NBAS: variants seen among roughly 807,000 people sequenced by gnomAD.
The protein encoded by NBAS is NAG/BC035112 fusion.
A neutral mutation model predicts 302.5 loss-of-function variants in NBAS; 219 were observed. That is an observed-to-expected ratio of 0.72 (90% CI 0.65 to 0.81). The LOEUF is 0.81. Among genes scored for constraint, NBAS ranks in the 30% least tolerant of loss-of-function variants. The pLI, the probability that NBAS is intolerant of heterozygous loss-of-function variation, is 0.00. For missense variants in NBAS, 2,932 were observed against 2,841.6 expected, an observed-to-expected ratio of 1.03 and a Z score of -0.72; for synonymous variants, 1,118 against 1,021.6, an observed-to-expected ratio of 1.09 and a Z score of -1.80.
At chr2:15,401,073 C>CT (rs1481548151) in intron 26 of NBAS, among the ~76,000 whole-genome samples, 1 of 152,012 alleles carries the variant, frequency 6.6e-6, no homozygotes, top group Non-Finnish European at 1.5e-5. Flanking sequence ...GGCTGTCTGA[C>CT]TGTAAGTTAT....
chr2:15,366,892 T>C (rs192935829), intron 31 of NBAS, among the ~76,000 whole-genome samples, 199 bp from the exon 32 acceptor site: 369 of 152,314 alleles, frequency 2.4e-3, no homozygotes, highest in African/African-American at 8.2e-3. Flanking sequence ...ACAACCTTGA[T>C]CTTTTCTTCA....
At chr2:14,969,181 G>T in the NBAS span, among the ~76,000 whole-genome samples, 1 of 152,122 alleles carries the variant, frequency 6.6e-6, no homozygotes, top group Non-Finnish European at 1.5e-5. Flanking sequence ...ATGAGGGGTT[G>T]CTTAGGGCTG....
chr2:15,002,175 C>T, the NBAS span, among the ~76,000 whole-genome samples: 1 of 152,100 alleles, frequency 6.6e-6, no homozygotes, highest in Admixed American at 6.5e-5. Context: ...GGTGCATTCA[C>T]AAACCCTGAG....
Position 15,474,068 on chromosome 2 carries a change from T to G in NBAS, c.1598A>C (p.Lys533Thr). ...GGTAGTAATATGCTACTCTCTCACC[T>G]TCCTCTGATAAAGTTCCTCTGGTGT... is the stretch of plus-strand genomic sequence containing the variant. Reference protein sequence around the residue: ...STTPEELYQRKIESEEYEEAL... With the variant: ...STTPEELYQRTIESEEYEEAL... The change falls in exon 15 of 52, where the codon AAG (lysine) becomes ACG (threonine). Residue 533 changes from lysine (K) to threonine (T), a missense_variant and splice_region_variant. Coordinates refer to ENST00000281513, the MANE Select transcript of NBAS (RefSeq NM_015909.4). The G allele has an allele frequency of 1.2e-6, 2 of 1,614,208 alleles. No homozygotes were observed. The highest frequency in any genetic ancestry group is 1.7e-6 in the Non-Finnish European group (2 of 1,180,026).
In NBAS at chr2:15,184,044, C is replaced by T. The variant is rs571610251; in HGVS notation, c.6711+2698G>A. On this transcript the variant is annotated intron_variant, in intron 50 of 51. Coordinates refer to ENST00000281513, the MANE Select transcript of NBAS (RefSeq NM_015909.4). ...TTCATTTAACCACCAAGTCATTTTC[C>T]GATAGGAAACAGAAAGCACAGCTTC... Among the ~76,000 whole-genome samples the T allele has an allele frequency of 7.9e-5, 12 of 152,250 alleles. No homozygotes were observed. In the South Asian group the frequency reaches 1.0e-3, roughly 13 times the overall value.
At chr2:14,910,554 T>C in the NBAS span, among the ~76,000 whole-genome samples, 1 of 152,248 alleles carries the variant, frequency 6.6e-6, no homozygotes, top group East Asian at 1.9e-4. Flanking sequence ...CAAGAGGTAG[T>C]TGGGAGACAA....
At chr2:14,963,241 C>A in the NBAS span, among the ~76,000 whole-genome samples, 1 of 152,090 alleles carries the variant, frequency 6.6e-6, no homozygotes, top group Admixed American at 6.5e-5. Context: ...GCACTCCAGC[C>A]TGGGTGACAG....
chr2:15,186,539 C>T (rs1338882593), intron 50 of NBAS, among the ~76,000 whole-genome samples: 4 of 152,138 alleles, frequency 2.6e-5, no homozygotes, highest in African/African-American at 7.2e-5. Context: ...GTACAGGAAA[C>T]GCTGGCCCCC....
chr2:15,381,878 G>T (rs552577526), intron 29 of NBAS, among the ~76,000 whole-genome samples: 3 of 151,974 alleles, frequency 2.0e-5, no homozygotes, highest in African/African-American at 7.3e-5. Flanking sequence ...TGTTAAAATC[G>T]CCCTGAATTC....
chr2:15,531,432 C>T (rs952141729), intron 9 of NBAS, among the ~76,000 whole-genome samples: 1 of 152,124 alleles, frequency 6.6e-6, no homozygotes, highest in Non-Finnish European at 1.5e-5. Context: ...GTTCTGAGAC[C>T]TCTTCAAGAT....
chr2:15,081,344 T>C, the NBAS span, among the ~76,000 whole-genome samples: 16,489 of 152,170 alleles, frequency 0.11, 2,337 homozygotes, highest in African/African-American at 0.32. Flanking sequence ...CAAGACGGTG[T>C]GCTCAGGAGA....
At chr2:14,924,036 G>C in the NBAS span, among the ~76,000 whole-genome samples, 1 of 152,100 alleles carries the variant, frequency 6.6e-6, no homozygotes, top group African/African-American at 2.4e-5. Flanking sequence ...TCACTTGGAA[G>C]CTCTCTCTAA....
chr2:15,291,940 A>T (rs142951182), intron 41 of NBAS, among the ~76,000 whole-genome samples: 102 of 152,336 alleles, frequency 6.7e-4, no homozygotes, highest in African/African-American at 2.3e-3. Context: ...TTAAAAAAAA[A>T]TAGTAACTTT....
At chr2:15,552,790 C>A (rs996557888) in intron 5 of NBAS, among the ~76,000 whole-genome samples, 2 of 128,760 alleles carry the variant, frequency 1.6e-5, no homozygotes, top group African/African-American at 5.9e-5. Flanking sequence ...AAAAAGCATA[C>A]CTATTTTTTT....
At chr2:15,057,314 G>GGAAAAA in the NBAS span, among the ~76,000 whole-genome samples, 1 of 135,860 alleles carries the variant, frequency 7.4e-6, no homozygotes, top group Non-Finnish European at 1.5e-5. Flanking sequence ...ACAGAAATTT[G>GGAAAAA]AAAAAAAAAA....
chr2:15,035,363 C>T, the NBAS span, among the ~76,000 whole-genome samples: 19 of 152,194 alleles, frequency 1.2e-4, no homozygotes, highest in Non-Finnish European at 2.6e-4. Flanking sequence ...GACAGAAATG[C>T]TTTTACACTT....
At chr2:15,322,430 A>G (rs1671854332) in intron 38 of NBAS, among the ~76,000 whole-genome samples, 1 of 152,026 alleles carries the variant, frequency 6.6e-6, no homozygotes, top group African/African-American at 2.4e-5. Flanking sequence ...AAAAAACAGA[A>G]ATCTATGCTT....
intron 44 of NBAS, among the ~76,000 whole-genome samples, chr2:15,240,925 C>T (rs1244301792): frequency 6.6e-6 from 1 of 151,958 alleles, no homozygotes; most frequent in African/African-American, 2.4e-5. Context: ...TTCAACAGAC[C>T]ACCCCTCCCT....
chr2:15,034,295 A>G, the NBAS span, among the ~76,000 whole-genome samples: 13 of 76,998 alleles, frequency 1.7e-4, no homozygotes, highest in Admixed American at 7.0e-4. Context: ...AAAGAAAGAA[A>G]GAAAGAAAGA....
Sources: gnomAD v4.1 joint callset for allele counts (sites outside exome capture counted in the v4.1 genomes callset) on GRCh38, gnomAD v4.1.1 for gene constraint, MANE v1.5 for transcripts, NCBI Gene and HGNC (gene_info 2026-07-23, HGNC 2026-07-21) for gene names.